Variants in B3GALT1 observed in about 807,000 individuals in gnomAD.
The protein encoded by B3GALT1 is beta-1,3-galactosyltransferase 1, also known as UDP-Gal:betaGlcNAc beta 1,3-galactosyltransferase, polypeptide 1.
Under a neutral mutation model 23.2 loss-of-function variants are expected in B3GALT1, and 10 were observed. That is an observed-to-expected ratio of 0.43 (90% CI 0.27 to 0.73). The LOEUF is 0.73. Among genes scored for constraint, B3GALT1 ranks in the 30% least tolerant of loss-of-function variants. B3GALT1 has a pLI of 0.21. For synonymous variants in B3GALT1, 156 were observed against 141.5 expected (o/e 1.10, Z -0.73); for missense variants, 299 against 405.4 (o/e 0.74, Z 2.25).
intron 4 of B3GALT1, among the ~76,000 whole-genome samples, chr2:167,843,008 G>T (rs147332331): frequency 6.6e-6 from 1 of 152,126 alleles, no homozygotes; most frequent in Non-Finnish European, 1.5e-5. Flanking sequence ...AAATGATTGC[G>T]GAGCAGTGAT....
intron 1 of B3GALT1, among the ~76,000 whole-genome samples, chr2:167,395,726 G>A (rs1183207834): frequency 6.6e-6 from 1 of 151,988 alleles, no homozygotes; most frequent in African/African-American, 2.4e-5. Flanking sequence ...TTATAATGAT[G>A]AATTCTGGTA....
chr2:167,736,376 A>G (rs894467290), intron 3 of B3GALT1, among the ~76,000 whole-genome samples: 1 of 152,242 alleles, frequency 6.6e-6, no homozygotes, highest in Non-Finnish European at 1.5e-5. Context: ...GGAAGTATTC[A>G]TCAACTTCTT....
chr2:167,497,980 A>G (rs2105346451), intron 2 of B3GALT1, among the ~76,000 whole-genome samples: 1 of 152,126 alleles, frequency 6.6e-6, no homozygotes, highest in East Asian at 1.9e-4. Context: ...TCTTTGGTTA[A>G]AAAAAAGTGC....
intron 3 of B3GALT1, among the ~76,000 whole-genome samples, chr2:167,770,954 A>G (rs890091870): frequency 1.2e-4 from 18 of 152,224 alleles, no homozygotes; most frequent in Non-Finnish European, 2.6e-4. Context: ...GATGTTCAAT[A>G]AACACTTATT....
intron 4 of B3GALT1, among the ~76,000 whole-genome samples, chr2:167,837,975 C>G (rs1451088109): frequency 1.3e-5 from 2 of 151,850 alleles, no homozygotes; most frequent in African/African-American, 4.8e-5. Context: ...TCTTTGAAAC[C>G]AATGAGAACA....
intron 1 of B3GALT1, among the ~76,000 whole-genome samples, chr2:167,375,806 C>G (rs1238333179): frequency 1.3e-5 from 2 of 151,852 alleles, no homozygotes; most frequent in African/African-American, 4.8e-5. Flanking sequence ...TTGTCTTCTT[C>G]CTATTGCAAT....
At chr2:167,662,248 C>T (rs1686072959) in intron 3 of B3GALT1, among the ~76,000 whole-genome samples, 1 of 152,140 alleles carries the variant, frequency 6.6e-6, no homozygotes, top group African/African-American at 2.4e-5. Flanking sequence ...TCCACAAGTA[C>T]TTTTTTTGTA....
chr2:167,580,985 T>G (rs543115876), intron 2 of B3GALT1, among the ~76,000 whole-genome samples: 1 of 152,338 alleles, frequency 6.6e-6, no homozygotes, highest in African/African-American at 2.4e-5. Flanking sequence ...GCCTCTTAAG[T>G]CTTTTGTTAT....
intron 3 of B3GALT1, among the ~76,000 whole-genome samples, chr2:167,817,158 C>G (rs1232104664): frequency 1.3e-5 from 2 of 152,170 alleles, no homozygotes; most frequent in Non-Finnish European, 2.9e-5. Context: ...GATCTAAGTT[C>G]AAACAAACAC....
intron 2 of B3GALT1, among the ~76,000 whole-genome samples, chr2:167,531,029 T>C: frequency 6.6e-6 from 1 of 152,196 alleles, no homozygotes; most frequent in East Asian, 1.9e-4. Context: ...AGGGTTTTTA[T>C]CTTGAGACTG....
chr2:167,563,974 G>A (rs1169207129), intron 2 of B3GALT1, among the ~76,000 whole-genome samples: 9 of 136,746 alleles, frequency 6.6e-5, no homozygotes, highest in East Asian at 2.7e-4. Flanking sequence ...CCTCCCTTCC[G>A]GACGGGGCAG....
At chr2:167,533,378 AC>A (rs1472453676) in intron 2 of B3GALT1, among the ~76,000 whole-genome samples, 36 of 152,048 alleles carry the variant, frequency 2.4e-4, no homozygotes, top group African/African-American at 8.7e-4. Context: ...CACATCAAAT[AC>A]TTTTTAAGAA....
At chr2:167,323,172 A>G (rs1383625337) in intron 1 of B3GALT1, among the ~76,000 whole-genome samples, 1 of 152,160 alleles carries the variant, frequency 6.6e-6, no homozygotes, top group Non-Finnish European at 1.5e-5. Flanking sequence ...TCAGGCAGGC[A>G]GGTAGTCTCA....
chr2:167,589,940 C>T (rs564923288), intron 2 of B3GALT1, among the ~76,000 whole-genome samples: 3 of 152,050 alleles, frequency 2.0e-5, no homozygotes, highest in African/African-American at 7.2e-5. Flanking sequence ...ATATAGTATT[C>T]CTATCCTTAA....
At chr2:167,447,867 T>C (rs780864902) in intron 1 of B3GALT1, among the ~76,000 whole-genome samples, 1 of 152,096 alleles carries the variant, frequency 6.6e-6, no homozygotes, top group Admixed American at 6.5e-5. Flanking sequence ...GCATCCACTG[T>C]CTGACAAGCC....
intron 3 of B3GALT1, among the ~76,000 whole-genome samples, chr2:167,785,301 G>A (rs1688321874): frequency 6.6e-6 from 1 of 152,176 alleles, no homozygotes; most frequent in African/African-American, 2.4e-5. Context: ...GTACAGATCA[G>A]GGAGGGAACA....
At chr2:167,485,716 A>G (rs1046103825) in intron 1 of B3GALT1, among the ~76,000 whole-genome samples, 17 of 152,202 alleles carry the variant, frequency 1.1e-4, no homozygotes, top group Non-Finnish European at 2.9e-5. Context: ...TAAACTATGC[A>G]TATGCATTAA....
At position 167,568,041 on chromosome 2, in the gene B3GALT1, C is replaced by T. The variant is rs575071555; in HGVS notation, c.-410+77764C>T. Among the ~76,000 whole-genome samples the T allele has an allele frequency of 1.2e-3, 177 of 152,132 alleles. 3 individuals carry two copies. Among genetic ancestry groups the T allele is most frequent in the Middle Eastern group, 3.4e-3 (1 of 292 alleles). ...TAGTAATATGCGTTTAAGTTTCCTCCGTGTCTTTTCATGGCTCAATAGTTC... is the reference window on the plus strand; with the variant it reads ...TAGTAATATGCGTTTAAGTTTCCTCTGTGTCTTTTCATGGCTCAATAGTTC... On this transcript the variant is annotated intron_variant, in intron 2 of 4. Transcript: ENST00000392690.
At chr2:167,301,901 G>C (rs1266714337) in intron 1 of B3GALT1, among the ~76,000 whole-genome samples, 1 of 152,094 alleles carries the variant, frequency 6.6e-6, no homozygotes, top group East Asian at 1.9e-4. Context: ...AATAGCAGAA[G>C]GGAAAAATGT....
Sources: allele counts gnomAD v4.1 joint callset (sites outside exome capture counted in the v4.1 genomes callset), GRCh38; gene constraint gnomAD v4.1.1; transcripts MANE v1.5; gene names NCBI Gene and HGNC (gene_info 2026-07-23, HGNC 2026-07-21).